PRKD1: variants seen among roughly 807,000 people sequenced by gnomAD.
PRKD1 encodes serine/threonine-protein kinase D1.
PRKD1 carries 63 observed loss-of-function variants against 95.9 expected under a neutral mutation model. That is an observed-to-expected ratio of 0.66 (90% CI 0.54 to 0.81). The LOEUF (loss-of-function observed/expected upper bound fraction) is 0.81. Ranked by LOEUF, PRKD1 falls within the 30% of genes least tolerant of loss-of-function variation. The pLI, the probability that PRKD1 is intolerant of heterozygous loss-of-function variation, is 0.00. For synonymous variants in PRKD1, 425 were observed against 423.1 expected (o/e 1.00, Z -0.05); for missense variants, 1,048 against 1,165.3 (o/e 0.90, Z 1.47).
chr14:29,589,046 A>G (rs573593702), intron 16 of PRKD1, among the ~76,000 whole-genome samples: 3 of 152,044 alleles, frequency 2.0e-5, no homozygotes, highest in African/African-American at 7.2e-5. Flanking sequence ...CTCTGTGTTG[A>G]TTACTGCCTG....
chr14:29,882,478 T>C (rs1893546953), intron 1 of PRKD1, among the ~76,000 whole-genome samples: 1 of 152,224 alleles, frequency 6.6e-6, no homozygotes, highest in Non-Finnish European at 1.5e-5. Context: ...AAATTGTGTT[T>C]TTCTCCAGTT....
chr14:29,729,899 T>A (rs186637672), intron 1 of PRKD1, among the ~76,000 whole-genome samples: 1 of 151,938 alleles, frequency 6.6e-6, no homozygotes, highest in Non-Finnish European at 1.5e-5. Flanking sequence ...TCAAAACAGA[T>A]TACAGACATA....
chr14:29,732,614 G>A (rs1467327608), intron 1 of PRKD1, among the ~76,000 whole-genome samples: 1 of 152,078 alleles, frequency 6.6e-6, no homozygotes, highest in African/African-American at 2.4e-5. Context: ...TCTTCCATCT[G>A]ATGAATTTTC....
At chr14:29,675,742 A>G (rs1015408639) in intron 2 of PRKD1, among the ~76,000 whole-genome samples, 3 of 152,102 alleles carry the variant, frequency 2.0e-5, no homozygotes, top group African/African-American at 7.2e-5. Flanking sequence ...ATGTCCATCA[A>G]TGATAGACTG....
At chr14:29,728,024 G>C (rs916135642) in intron 1 of PRKD1, among the ~76,000 whole-genome samples, 9 of 151,848 alleles carry the variant, frequency 5.9e-5, no homozygotes, top group Non-Finnish European at 1.2e-4. Context: ...GTGGGGCGAG[G>C]GGGGAGGGAT....
chr14:29,906,904 C>T (rs939752757), intron 1 of PRKD1, among the ~76,000 whole-genome samples: 5 of 152,236 alleles, frequency 3.3e-5, no homozygotes, highest in African/African-American at 1.2e-4. Context: ...CTCAGCATCA[C>T]TGTCTCTCTT....
chr14:29,800,261 T>C (rs769450341), intron 1 of PRKD1, among the ~76,000 whole-genome samples: 9 of 152,152 alleles, frequency 5.9e-5, no homozygotes, highest in Non-Finnish European at 8.8e-5. Context: ...CTTCCACAAA[T>C]AATAAGCATC....
intron 1 of PRKD1, among the ~76,000 whole-genome samples, chr14:29,915,365 A>G (rs941523017): frequency 6.6e-6 from 1 of 152,206 alleles, no homozygotes; most frequent in Non-Finnish European, 1.5e-5. Flanking sequence ...CTGCTACACA[A>G]ACAGAAATAT....
chr14:29,915,218 G>A (rs1417356364), intron 1 of PRKD1, among the ~76,000 whole-genome samples: 2 of 152,024 alleles, frequency 1.3e-5, no homozygotes, highest in East Asian at 3.9e-4. Context: ...ACATCTTATT[G>A]GAAAAAAGGC....
intron 4 of PRKD1, among the ~76,000 whole-genome samples, chr14:29,662,484 T>C (rs2139207626): frequency 6.6e-6 from 1 of 152,294 alleles, no homozygotes. Context: ...TAATATGTTC[T>C]TCTAGTTATT....
chr14:29,899,257 T>C (rs892335819), intron 1 of PRKD1, among the ~76,000 whole-genome samples: 1 of 152,210 alleles, frequency 6.6e-6, no homozygotes, highest in African/African-American at 2.4e-5. Flanking sequence ...TCATGATTTA[T>C]TGTATAAATT....
chr14:29,618,258 A>ATT (rs34749231), intron 13 of PRKD1, among the ~76,000 whole-genome samples: 70,384 of 145,354 alleles, frequency 0.48, 18,302 homozygotes, highest in East Asian at 0.67. Flanking sequence ...ATCTACATTC[A>ATT]TTTTTTTTTT....
chr14:29,915,392 A>G (rs1360159093), intron 1 of PRKD1, among the ~76,000 whole-genome samples: 2 of 152,240 alleles, frequency 1.3e-5, no homozygotes, highest in African/African-American at 2.4e-5. Flanking sequence ...AAAAAAATTT[A>G]CAATTAGACG....
intron 1 of PRKD1, among the ~76,000 whole-genome samples, chr14:29,872,809 T>C (rs1228696696): frequency 2.0e-5 from 3 of 152,184 alleles, no homozygotes; most frequent in African/African-American, 4.8e-5. Flanking sequence ...ATTCAGGCTA[T>C]TGACATATAC....
chr14:29,892,689 A>G lies in PRKD1; in HGVS notation c.264+34560T>C, dbSNP rs1893981195. On this transcript the variant is annotated intron_variant, in intron 1 of 17. Coordinates refer to ENST00000331968, the MANE Select transcript of PRKD1 (RefSeq NM_002742.3). ...GCCAAAATGCAGTAACTTTAGACAT[A>G]GTACCTTCAGAAGTGGACCCATCAG... Among the ~76,000 whole-genome samples the G allele has an allele frequency of 2.0e-5, 3 of 152,302 alleles. No individual in the cohort carries two copies. In the South Asian group the frequency reaches 6.2e-4, roughly 32 times the overall value.
chr14:29,788,024 T>G (rs181469361), intron 1 of PRKD1, among the ~76,000 whole-genome samples: 1 of 152,306 alleles, frequency 6.6e-6, no homozygotes, highest in African/African-American at 2.4e-5. Context: ...AGTTGTATAC[T>G]TTCATATGTT....
intron 2 of PRKD1, 136 bp downstream of exon 2, chr14:29,725,400 G>C: frequency 9.4e-7 from 1 of 1,063,892 alleles, no homozygotes; most frequent in Non-Finnish European, 1.4e-6. Context: ...TTTTTCATGT[G>C]GACAGAGCTC....
intron 4 of PRKD1, among the ~76,000 whole-genome samples, chr14:29,654,494 T>G (rs543832431): frequency 6.9e-4 from 105 of 152,254 alleles, no homozygotes; most frequent in Non-Finnish European, 1.2e-3. Flanking sequence ...TTATTCAGAA[T>G]TTACTAGTGC....
At chr14:29,642,201 G>A (rs1403570319) in intron 4 of PRKD1, among the ~76,000 whole-genome samples, 3 of 151,912 alleles carry the variant, frequency 2.0e-5, no homozygotes, top group Non-Finnish European at 4.4e-5. Context: ...ACTGCGCCTG[G>A]CCGGCAAAAG....
Sources: allele counts gnomAD v4.1 joint callset (sites outside exome capture counted in the v4.1 genomes callset), GRCh38; gene constraint gnomAD v4.1.1; transcripts MANE v1.5; gene names NCBI Gene and HGNC (gene_info 2026-07-23, HGNC 2026-07-21).